Variants in VAV3 observed in about 807,000 individuals in gnomAD.
VAV3 encodes vav guanine nucleotide exchange factor 3, also known as guanine nucleotide exchange factor VAV3.
In VAV3, 94 loss-of-function variants were observed where a neutral mutation model predicts 131.2. The observed-to-expected ratio is 0.72, with a 90% confidence interval of 0.61 to 0.85. The LOEUF (loss-of-function observed/expected upper bound fraction) is 0.85. Among genes scored for constraint, VAV3 ranks in the 40% least tolerant of loss-of-function variants. The pLI is 0.00. For synonymous variants in VAV3, 349 were observed against 342.0 expected (o/e 1.02, Z -0.22); for missense variants, 939 against 1,002.7 (o/e 0.94, Z 0.86).
chr1:107,782,817 G>A (rs1004848937), intron 2 of VAV3, among the ~76,000 whole-genome samples: 2 of 152,192 alleles, frequency 1.3e-5, no homozygotes, highest in Non-Finnish European at 1.5e-5. Context: ...TGGGGATTCT[G>A]ACCTGCCACT....
chr1:107,745,472 GTCAGGTTCTAATGTGGT>G (rs1220750729), intron 15 of VAV3, among the ~76,000 whole-genome samples: 1 of 152,136 alleles, frequency 6.6e-6, no homozygotes, highest in East Asian at 1.9e-4. Flanking sequence ...ATGGAGGTCT[GTCAGGTTCTAATGTGGT>G]TCACTGCATA....
chr1:107,689,639 C>A (rs1462716732), intron 17 of VAV3, among the ~76,000 whole-genome samples: 1 of 152,090 alleles, frequency 6.6e-6, no homozygotes, highest in Non-Finnish European at 1.5e-5. Flanking sequence ...CAAACCCCAT[C>A]ACCTTGGCTT....
At chr1:107,678,717 T>C (rs1238658775) in intron 19 of VAV3, among the ~76,000 whole-genome samples, 2 of 152,020 alleles carry the variant, frequency 1.3e-5, no homozygotes, top group Middle Eastern at 3.2e-3. Flanking sequence ...TAAACCAGTA[T>C]AAAAATTTTT....
chr1:107,717,138 A>G (rs966319735), intron 15 of VAV3, among the ~76,000 whole-genome samples: 8 of 151,622 alleles, frequency 5.3e-5, no homozygotes, highest in Non-Finnish European at 8.8e-5. Flanking sequence ...TTTCTTCTTT[A>G]TTAGTCTTGC....
intron 1 of VAV3, among the ~76,000 whole-genome samples, chr1:107,949,239 T>G (rs555439691): frequency 7.2e-5 from 11 of 152,048 alleles, no homozygotes; most frequent in Admixed American, 2.0e-4. Context: ...CACATTCTGG[T>G]TTTTTTTACA....
chr1:107,620,946 A>T (rs1434619051), intron 20 of VAV3, among the ~76,000 whole-genome samples: 1 of 152,122 alleles, frequency 6.6e-6, no homozygotes, highest in Admixed American at 6.6e-5. Flanking sequence ...AAATGCTCTA[A>T]AACTAGATGA....
At chr1:107,586,578 C>T (rs969930223) in intron 25 of VAV3, among the ~76,000 whole-genome samples, 2 of 151,940 alleles carry the variant, frequency 1.3e-5, no homozygotes, top group African/African-American at 2.4e-5. Context: ...TTTTTGTGCC[C>T]GGTCTGACAA....
At chr1:107,889,478 A>T (rs1299254315) in intron 1 of VAV3, among the ~76,000 whole-genome samples, 4 of 152,200 alleles carry the variant, frequency 2.6e-5, no homozygotes, top group African/African-American at 9.7e-5. Flanking sequence ...TTGTGGTAAG[A>T]CAACAGGGCT....
intron 15 of VAV3, among the ~76,000 whole-genome samples, chr1:107,708,298 G>A (rs1660573351): frequency 6.6e-6 from 1 of 152,204 alleles, no homozygotes; most frequent in Admixed American, 6.5e-5. Context: ...GTCTATAGAT[G>A]AGTGCTGAGT....
At chr1:107,617,138 A>G (rs1653217296) in intron 21 of VAV3, among the ~76,000 whole-genome samples, 1 of 152,196 alleles carries the variant, frequency 6.6e-6, no homozygotes, top group Non-Finnish European at 1.5e-5. Context: ...ATATATTTAG[A>G]CATTTGATTG....
At chr1:107,693,084 T>A (rs1287639098) in intron 17 of VAV3, among the ~76,000 whole-genome samples, 3 of 152,126 alleles carry the variant, frequency 2.0e-5, no homozygotes, top group Non-Finnish European at 4.4e-5. Flanking sequence ...TAAAATTACA[T>A]TAGCTTTGCA....
chr1:107,596,108 G>A (rs772382986), intron 25 of VAV3, 104 bp downstream of exon 25: 22 of 1,437,116 alleles, frequency 1.5e-5, no homozygotes, highest in African/African-American at 8.6e-5. Context: ...ATGCATTAGC[G>A]CATCCATTGG....
At chr1:107,815,316 T>G (rs1477576525) in intron 2 of VAV3, among the ~76,000 whole-genome samples, 1 of 151,872 alleles carries the variant, frequency 6.6e-6, no homozygotes, top group East Asian at 1.9e-4. Flanking sequence ...AACTTGGGAG[T>G]TAGTGAGGGG....
intron 2 of VAV3, among the ~76,000 whole-genome samples, chr1:107,813,874 T>G (rs1570989172): frequency 6.6e-6 from 1 of 152,124 alleles, no homozygotes; most frequent in African/African-American, 2.4e-5. Flanking sequence ...TTTCTGTGCC[T>G]GAGTTATTGC....
rs184615105 is a variant in VAV3, at chr1:107,910,445, T to C, written c.205-35428A>G. On this transcript the variant is annotated intron_variant, in intron 1 of 26. Transcript: ENST00000370056. ...TATCTACATAAAATATTATATGCTA[T>C]TTGTTTTCACTAAGCTACATGATTA... Among the ~76,000 whole-genome samples the C allele has an allele frequency of 1.1e-4, 17 of 152,338 alleles. No individual in the cohort carries two copies. The East Asian group carries it at 3.1e-3, about 28-fold the overall frequency.
intron 17 of VAV3, among the ~76,000 whole-genome samples, chr1:107,702,852 T>C (rs1489261407): frequency 6.6e-6 from 1 of 151,674 alleles, no homozygotes; most frequent in African/African-American, 2.4e-5. Context: ...AAATAGTAAG[T>C]TCTCACTTTG....
intron 1 of VAV3, among the ~76,000 whole-genome samples, chr1:107,895,767 C>T (rs1671536567): frequency 6.6e-6 from 1 of 152,070 alleles, no homozygotes; most frequent in African/African-American, 2.4e-5. Flanking sequence ...AATCATGTGT[C>T]CTTGCTCAAA....
At chr1:107,787,330 C>T (rs957839485) in intron 2 of VAV3, among the ~76,000 whole-genome samples, 11 of 152,194 alleles carry the variant, frequency 7.2e-5, no homozygotes, top group African/African-American at 2.7e-4. Context: ...GGATACAATG[C>T]TTCCTGCTCT....
chr1:107,881,603 C>A (rs1670784524), intron 1 of VAV3, among the ~76,000 whole-genome samples: 1 of 152,194 alleles, frequency 6.6e-6, no homozygotes, highest in Admixed American at 6.5e-5. Context: ...GCCTCTCTCC[C>A]TCTTCAGAAG....
Sources: gnomAD v4.1 joint callset for allele counts (sites outside exome capture counted in the v4.1 genomes callset) on GRCh38, gnomAD v4.1.1 for gene constraint, MANE v1.5 for transcripts, NCBI Gene and HGNC (gene_info 2026-07-23, HGNC 2026-07-21) for gene names.